The following ITGB5 variants were observed in gnomAD, a reference collection of about 807,000 sequenced individuals.
The protein encoded by ITGB5 is integrin subunit beta 5.
In ITGB5, 38 loss-of-function variants were observed where a neutral mutation model predicts 84.8. The observed-to-expected ratio is 0.45, with a 90% confidence interval of 0.35 to 0.59. The LOEUF is 0.59. Ranked by LOEUF, ITGB5 falls within the 20% of genes least tolerant of loss-of-function variation. The pLI, the probability that ITGB5 is intolerant of heterozygous loss-of-function variation, is 0.01. For synonymous variants in ITGB5, 393 were observed against 414.4 expected, an observed-to-expected ratio of 0.95 and a Z score of 0.63; for missense variants, 905 against 1,034.5, an observed-to-expected ratio of 0.87 and a Z score of 1.72.
chr3:124,824,183 T>C (rs1289152994), intron 5 of ITGB5, among the ~76,000 whole-genome samples: 1 of 152,188 alleles, frequency 6.6e-6, no homozygotes, highest in Non-Finnish European at 1.5e-5. Context: ...TCAAGACTTA[T>C]TACAAAGCTA....
chr3:124,860,522 T>G (rs1188013201), intron 2 of ITGB5, among the ~76,000 whole-genome samples: 1 of 152,198 alleles, frequency 6.6e-6, no homozygotes, highest in Non-Finnish European at 1.5e-5. Context: ...CAACTCAACC[T>G]CATTTGGGAC....
At chr3:124,876,782 A>G (rs1934338998) in intron 1 of ITGB5, among the ~76,000 whole-genome samples, 1 of 152,126 alleles carries the variant, frequency 6.6e-6, no homozygotes, top group Non-Finnish European at 1.5e-5. Context: ...GCTGGGACCC[A>G]CCCACCTTGC....
At chr3:124,892,951 T>A (rs1935032432) in intron 1 of ITGB5, among the ~76,000 whole-genome samples, 1 of 152,164 alleles carries the variant, frequency 6.6e-6, no homozygotes, top group Non-Finnish European at 1.5e-5. Flanking sequence ...ACAACTATCC[T>A]ACAGTATACC....
intron 8 of ITGB5, among the ~76,000 whole-genome samples, chr3:124,815,529 CCTGT>C (rs2064575602): frequency 6.6e-6 from 1 of 152,230 alleles, no homozygotes. Context: ...GGCCTCCCTG[CCTGT>C]GAGAGTGGGT....
chr3:124,859,061 C>A (rs970673892), intron 3 of ITGB5, among the ~76,000 whole-genome samples, 181 bp downstream of exon 3: 3 of 152,178 alleles, frequency 2.0e-5, no homozygotes, highest in African/African-American at 4.8e-5. Context: ...AGGAGCCTGT[C>A]CACAGACACA....
intron 11 of ITGB5, among the ~76,000 whole-genome samples, chr3:124,772,670 T>C (rs3772823): frequency 0.077 from 11,487 of 150,134 alleles, 1,038 homozygotes; most frequent in African/African-American, 0.21. Context: ...CATTCTGTAA[T>C]TCCCTCTCAT....
At chr3:124,875,715 C>T (rs953096358) in intron 1 of ITGB5, among the ~76,000 whole-genome samples, 6 of 152,086 alleles carry the variant, frequency 3.9e-5, no homozygotes, top group Admixed American at 3.9e-4. Flanking sequence ...ATGTTCCTTG[C>T]AGCACTATTC....
At chr3:124,798,284 C>T (rs1050825667) in intron 9 of ITGB5, among the ~76,000 whole-genome samples, 2 of 151,978 alleles carry the variant, frequency 1.3e-5, no homozygotes, top group Non-Finnish European at 2.9e-5. Context: ...ATCTCCTGAC[C>T]TCGTGATCTG....
intron 9 of ITGB5, among the ~76,000 whole-genome samples, chr3:124,808,222 A>AT (rs990980224): frequency 2.0e-5 from 3 of 152,100 alleles, no homozygotes; most frequent in African/African-American, 4.8e-5. Flanking sequence ...GGTCTCTATA[A>AT]TTTTTTTGTT....
At chr3:124,811,562 A>C (rs551623870) in intron 8 of ITGB5, among the ~76,000 whole-genome samples, 45 of 152,260 alleles carry the variant, frequency 3.0e-4, no homozygotes, top group Non-Finnish European at 5.0e-4. Flanking sequence ...GATCTGCCCA[A>C]GCCGCCACTC....
chr3:124,864,160 T>G (rs1192421898), intron 2 of ITGB5, among the ~76,000 whole-genome samples: 1 of 122,454 alleles, frequency 8.2e-6, no homozygotes, highest in Non-Finnish European at 1.6e-5. Flanking sequence ...CAGGCTGGAG[T>G]GCAGTGACAC....
chr3:124,868,552 G>C (rs889741081), intron 2 of ITGB5, among the ~76,000 whole-genome samples: 1 of 146,320 alleles, frequency 6.8e-6, no homozygotes, highest in African/African-American at 2.5e-5. Flanking sequence ...AAGCCAAGGT[G>C]AGAGGATCAC....
chr3:124,857,187 C>T (rs1322432111), intron 3 of ITGB5: 1 of 152,232 alleles, frequency 6.6e-6, no homozygotes, highest in African/African-American at 2.4e-5. Context: ...GCAGACCATA[C>T]AATGATAACC....
chr3:124,866,389 A>C (rs868392580), intron 2 of ITGB5, among the ~76,000 whole-genome samples: 37 of 152,244 alleles, frequency 2.4e-4, no homozygotes, highest in Admixed American at 2.4e-3. Flanking sequence ...AGGTTCCTCT[A>C]TGCCAGACCA....
chr3:124,855,065 T>G (rs848791), intron 3 of ITGB5, among the ~76,000 whole-genome samples: 1 of 152,030 alleles, frequency 6.6e-6, no homozygotes, highest in Non-Finnish European at 1.5e-5. Context: ...GTAATCCCAG[T>G]ACTTTGGGAG....
intron 11 of ITGB5, among the ~76,000 whole-genome samples, chr3:124,771,282 C>G (rs556699786): frequency 6.6e-6 from 1 of 151,878 alleles, no homozygotes; most frequent in South Asian, 2.1e-4. Flanking sequence ...CTGAAACCCC[C>G]AGAAAAAAAA....
intron 5 of ITGB5, among the ~76,000 whole-genome samples, chr3:124,830,049 C>G (rs1450307398): frequency 6.6e-6 from 1 of 152,200 alleles, no homozygotes; most frequent in Non-Finnish European, 1.5e-5. Context: ...TGTTCACTTC[C>G]AACATCTGGC....
At chr3:124,886,857 G>T in intron 1 of ITGB5, 74 bp downstream of exon 1, 1 of 956,548 alleles carries the variant, frequency 1.0e-6, no homozygotes, top group Non-Finnish European at 1.3e-6. Context: ...TGCGCTCCCC[G>T]CCCCTCCGAG....
chr3:124,900,021 A>T (rs9829173), intron 1 of ITGB5, among the ~76,000 whole-genome samples: 125,597 of 152,134 alleles, frequency 0.83, 51,926 homozygotes, highest in East Asian at 0.86. Context: ...CATTAACCTG[A>T]GAGCTCCAGG....
Sources: allele counts gnomAD v4.1 joint callset (sites outside exome capture counted in the v4.1 genomes callset), GRCh38; gene constraint gnomAD v4.1.1; transcripts MANE v1.5; gene names NCBI Gene and HGNC (gene_info 2026-07-23, HGNC 2026-07-21).